Variants in ZNF264 observed in about 807,000 individuals in gnomAD.
ZNF264 encodes zinc finger protein 264.
In ZNF264, 11 loss-of-function variants were observed where a neutral mutation model predicts 11.2. That is an observed-to-expected ratio of 0.98 (90% CI 0.62 to 1.63). ZNF264 has a LOEUF of 1.63. Among genes scored for constraint, ZNF264 ranks in the 40% most tolerant of loss-of-function variants. The pLI, the probability that ZNF264 is intolerant of heterozygous loss-of-function variation, is 0.00. For missense variants in ZNF264, 752 were observed against 768.1 expected (o/e 0.98, Z 0.25); for synonymous variants, 309 against 279.8 (o/e 1.10, Z -1.04).
In ZNF264 at chr19:57,212,570, C is replaced by T. The variant is rs752380480; in HGVS notation, c.1473C>T (p.Ala491=). The part of the protein sequence containing the change: ...KPYECVECGK[A]FTRMSGLTRH... Reference sequence around the variant, plus strand: ...ATGAGTGCGTGGAGTGTGGAAAGGCCTTCACCCGCATGTCGGGCCTCACGA... The same window carrying T: ...ATGAGTGCGTGGAGTGTGGAAAGGCTTTCACCCGCATGTCGGGCCTCACGA... Residue 491 remains alanine, a synonymous_variant, in exon 4 of 4, where the codon GCC becomes GCT. Coordinates refer to ENST00000263095, the MANE Select transcript of ZNF264 (RefSeq NM_003417.5). The T allele has an allele frequency of 3.4e-5, 55 of 1,614,064 alleles. No homozygotes were observed. Among genetic ancestry groups the T allele is most frequent in the Non-Finnish European group, 4.6e-5 (54 of 1,180,040 alleles).
chr19:57,198,240 G>GCAAC (rs2087226466), intron 2 of ZNF264, among the ~76,000 whole-genome samples: 2 of 151,940 alleles, frequency 1.3e-5, no homozygotes, highest in African/African-American at 4.9e-5. Context: ...TGCAATTGGA[G>GCAAC]CAACCACCTG....
chr19:57,205,532 C>T (rs767728229), intron 3 of ZNF264, 40 bp downstream of exon 3: 1 of 1,555,634 alleles, frequency 6.4e-7, no homozygotes, highest in Admixed American at 1.9e-5. Flanking sequence ...TCCCTTCTGG[C>T]TTAAGACTGG....
At chr19:57,206,499 A>G (rs983474676) in intron 3 of ZNF264, among the ~76,000 whole-genome samples, 3 of 151,924 alleles carry the variant, frequency 2.0e-5, no homozygotes, top group Non-Finnish European at 2.9e-5. Flanking sequence ...CGGCCTCCCA[A>G]AGTGCTGGGA....
rs1223605504 is a variant in ZNF264, at chr19:57,215,620, T to C, written c.*2639T>C. ...TTTTCAAGGTGGGGTTTTAGATTAT[T>C]GATTTGAGATTTTTTTGCTTTTTTA... On this transcript the variant is annotated 3_prime_UTR_variant, in exon 4 of 4. Coordinates refer to ENST00000263095, the MANE Select transcript of ZNF264 (RefSeq NM_003417.5). 6.6e-6 allele frequency: 1 copy of C among 152,218 alleles called. No homozygotes were observed. Among genetic ancestry groups the C allele is most frequent in the African/African-American group, 2.4e-5 (1 of 41,470 alleles). The allele number at this position is 152,218 out of a possible 1,614,324, so 9.4% of individuals were successfully genotyped here.
rs750706159 is a variant in ZNF264, at chr19:57,205,435, G to A, written c.199G>A (p.Glu67Lys). 7 of 1,612,426 alleles carry A rather than the reference G, an allele frequency of 4.3e-6. No individual in the cohort carries two copies. The Admixed American group carries it at 1.2e-4, about 27-fold the overall frequency. The change falls in exon 3 of 4, where the codon GAG becomes AAG. Residue 67 changes from glutamate (E) to lysine (K), a missense_variant. Transcript: ENST00000263095. ...CAAAGCTGAGCTGATCTGCCACCTA[G>A]AGCATGGGCAGGAGCCATGGACCAG... ...VPKAELICHL[E>K]HGQEPWTRKE... is the part of the protein sequence containing the mutation.
Position 57,191,881 on chromosome 19 carries a change from C to G in ZNF264, c.-33C>G, listed in dbSNP as rs898570689. 1.5e-6 allele frequency: 2 copies of G among 1,371,456 alleles called. No individual in the cohort carries two copies. The highest frequency in any genetic ancestry group is 1.9e-6 in the Non-Finnish European group (2 of 1,058,402). The allele number at this position is 1,371,456 out of a possible 1,614,324, so 85.0% of individuals were successfully genotyped here. A position where few individuals can be genotyped will look rare whatever the true frequency, so the allele number is the denominator to read the frequency against. ...GTCCGTCAGGCCGCCCGGGGCTCCT[C>G]TGTCCCAGCTCTGCGGCCCAGGGGG... On this transcript the variant is annotated 5_prime_UTR_variant, in exon 1 of 4. Coordinates refer to ENST00000263095, the MANE Select transcript of ZNF264 (RefSeq NM_003417.5).
Position 57,196,787 on chromosome 19 carries a change from C to T in ZNF264, c.160+2786C>T, listed in dbSNP as rs146851996. Among the ~76,000 whole-genome samples, 19 of 152,100 alleles carry T rather than the reference C, an allele frequency of 1.2e-4. No individual in the cohort carries two copies. In the East Asian group the frequency reaches 3.5e-3, roughly 28 times the overall value. ...ACCACTCAGGTCCATCCACATCCCTCTTCCCCAGATTTCTTTGTCACCAAC... is the reference window on the plus strand; with the variant it reads ...ACCACTCAGGTCCATCCACATCCCTTTTCCCCAGATTTCTTTGTCACCAAC... On this transcript the variant is annotated intron_variant, in intron 2 of 3. Coordinates refer to ENST00000263095, the MANE Select transcript of ZNF264 (RefSeq NM_003417.5).
chr19:57,195,024 C>G, intron 2 of ZNF264: 1 of 380,980 alleles, frequency 2.6e-6, no homozygotes, highest in Non-Finnish European at 4.7e-6. Context: ...ACTGTGTTAA[C>G]ACAGGATGGG....
Position 57,217,163 on chromosome 19 carries a change from G to C in ZNF264, c.*4182G>C, listed in dbSNP as rs1024556796. ...CAAGTGTGGTTTCTACTGAATGCAT[G>C]TCGCATTCGCACCATTGTAAAGTCA... On this transcript the variant is annotated 3_prime_UTR_variant, in exon 4 of 4. Transcript: ENST00000263095. 2 of 152,152 alleles carry C rather than the reference G, an allele frequency of 1.3e-5. No homozygotes were observed. Among genetic ancestry groups the C allele is most frequent in the African/African-American group, 2.4e-5 (1 of 41,428 alleles). The allele number at this position is 152,152 out of a possible 1,614,324, so 9.4% of individuals were successfully genotyped here. A position where few individuals can be genotyped will look rare whatever the true frequency, so the allele number is the denominator to read the frequency against.
chr19:57,200,894 G>A (rs1233380213), intron 2 of ZNF264, among the ~76,000 whole-genome samples: 1 of 151,886 alleles, frequency 6.6e-6, no homozygotes, highest in African/African-American at 2.4e-5. Flanking sequence ...TTACAGGCGT[G>A]AGCCACCACA....
intron 2 of ZNF264, among the ~76,000 whole-genome samples, chr19:57,204,549 G>A (rs2087277700): frequency 6.6e-6 from 1 of 152,186 alleles, no homozygotes; most frequent in African/African-American, 2.4e-5. Context: ...CATGTAAGAT[G>A]TGCCTTTCTC....
chr19:57,193,555 A>G, intron 1 of ZNF264: 10 of 984,816 alleles, frequency 1.0e-5, no homozygotes, highest in Non-Finnish European at 1.2e-5. Flanking sequence ...TGCCGTTGTA[A>G]CCATTATTGC....
chr19:57,204,461 G>A (rs895569989), intron 2 of ZNF264, among the ~76,000 whole-genome samples: 1 of 152,114 alleles, frequency 6.6e-6, no homozygotes, highest in African/African-American at 2.4e-5. Flanking sequence ...TGGTGTTGTC[G>A]TGATAGCACA....
chr19:57,192,096 C>T (rs769171907), intron 1 of ZNF264, 150 bp downstream of exon 1: 20 of 801,694 alleles, frequency 2.5e-5, no homozygotes, highest in Non-Finnish European at 3.3e-5. Flanking sequence ...TAATTTATAC[C>T]TGGCCGTAAG....
chr19:57,208,348 C>T lies in ZNF264; in HGVS notation c.256+2856C>T, dbSNP rs147915233. On this transcript the variant is annotated intron_variant, in intron 3 of 3. Coordinates refer to ENST00000263095, the MANE Select transcript of ZNF264 (RefSeq NM_003417.5). ...TTACTTGAGCTCAGGAGTTTGAGAC[C>T]GGCCTGGGAAACATGGTGAGACCCC... Among the ~76,000 whole-genome samples, 951 of 151,660 alleles carry T rather than the reference C, an allele frequency of 6.3e-3. 7 individuals carry two copies. Among genetic ancestry groups the T allele is most frequent in the South Asian group, 0.043 (205 of 4,796 alleles).
intron 2 of ZNF264, chr19:57,194,664 T>C (rs1009235275): frequency 2.6e-6 from 1 of 390,178 alleles, no homozygotes; most frequent in Non-Finnish European, 4.5e-6. Flanking sequence ...CTGCCTACTT[T>C]ATATGCTGGC....
chr19:57,212,998 T>C lies in ZNF264; in HGVS notation c.*17T>C. On this transcript the variant is annotated 3_prime_UTR_variant, in exon 4 of 4. Transcript: ENST00000263095. ...TCACTGTGAGAAAACCTTCTGTTGC[T>C]GAATATTACTTGTCATCTGAAGAGT... The C allele has an allele frequency of 6.3e-7, 1 of 1,590,052 alleles. No homozygotes were observed.
rs1202416442 is a variant in ZNF264, at chr19:57,217,443, A to G, written c.*4462A>G. 1 of 152,034 alleles carries G rather than the reference A, an allele frequency of 6.6e-6. No individual in the cohort carries two copies. The highest frequency in any genetic ancestry group is 1.5e-5 in the Non-Finnish European group (1 of 67,998). 9.4% of individuals were successfully genotyped at this position (152,034 alleles called of 1,614,324 possible). ...TTTCTTTTCCTTTTTTTTGAGACCA[A>G]GTCTCACTCTGTCACCCACGCTGGA... is the stretch of plus-strand genomic sequence containing the variant. On this transcript the variant is annotated 3_prime_UTR_variant, in exon 4 of 4. Transcript: ENST00000263095.
Position 57,212,676 on chromosome 19 carries a change from A to G in ZNF264, c.1579A>G (p.Ile527Val), listed in dbSNP as rs1407084356. Residue 527 changes from isoleucine to valine, a missense_variant, in exon 4 of 4, where the codon ATT (isoleucine) becomes GTT (valine). Physicochemically the swap from Ile to Val is conservative, Grantham distance 29. Coordinates refer to ENST00000263095, the MANE Select transcript of ZNF264 (RefSeq NM_003417.5). ...GKSFCWSTNL[I>V]RHAIIHTGEK... ...ATCGTTTTGCTGGAGCACAAACCTC[A>G]TTCGACATGCCATTATCCACACTGG... 3.7e-6 allele frequency: 6 copies of G among 1,614,124 alleles called. No homozygotes were observed. Among genetic ancestry groups the G allele is most frequent in the Admixed American group, 1.7e-5 (1 of 60,022 alleles).
Sources: gnomAD v4.1 joint callset for allele counts (sites outside exome capture counted in the v4.1 genomes callset) on GRCh38, gnomAD v4.1.1 for gene constraint, MANE v1.5 for transcripts, NCBI Gene and HGNC (gene_info 2026-07-23, HGNC 2026-07-21) for gene names.